DLGAP1: variants seen among roughly 807,000 people sequenced by gnomAD.
DLGAP1 encodes disks large-associated protein 1.
A neutral mutation model predicts 90.8 loss-of-function variants in DLGAP1; 11 were observed. The observed-to-expected ratio is 0.12, with a 90% CI of 0.08 to 0.20. The LOEUF is 0.20. Ranked by LOEUF, DLGAP1 falls within the 10% of genes least tolerant of loss-of-function variation. The pLI, the probability that DLGAP1 is intolerant of heterozygous loss-of-function variation, is 1.00. For missense variants in DLGAP1, 1,050 were observed against 1,333.8 expected, an observed-to-expected ratio of 0.79 and a Z score of 3.31; for synonymous variants, 558 against 540.7, an observed-to-expected ratio of 1.03 and a Z score of -0.44.
intron 5 of DLGAP1, among the ~76,000 whole-genome samples, chr18:3,803,357 C>T (rs1446408216): frequency 6.6e-6 from 1 of 152,190 alleles, no homozygotes; most frequent in Non-Finnish European, 1.5e-5. Flanking sequence ...GTGCTCCCAG[C>T]TTGGCTTTTC....
At chr18:3,756,296 G>A (rs889425640) in intron 5 of DLGAP1, among the ~76,000 whole-genome samples, 10 of 151,990 alleles carry the variant, frequency 6.6e-5, no homozygotes, top group African/African-American at 1.9e-4. Flanking sequence ...TGATCTGCTC[G>A]CCTCGGCCTT....
chr18:4,280,876 T>A (rs1229529399), intron 1 of DLGAP1: 1 of 152,208 alleles, frequency 6.6e-6, no homozygotes, highest in Non-Finnish European at 1.5e-5. Context: ...TCTGAGATAA[T>A]TTTTATGCTG....
Position 3,582,210 on chromosome 18 carries a change from G to A in DLGAP1, c.1630C>T (p.Pro544Ser). 6.2e-7 allele frequency: 1 copy of A among 1,614,158 alleles called. No homozygotes were observed. Among genetic ancestry groups the A allele is most frequent in the Non-Finnish European group, 8.5e-7 (1 of 1,180,028 alleles). ...CITTYKKTPP[P>S]VPPRTTTKPF... ...TTCGTGGTAGTTCTGGGTGGGACTG[G>A]AGGTGGTGTCTTCTTATATGTTGTA... is the stretch of plus-strand genomic sequence containing the variant. Residue 544 changes from proline (P) to serine (S), a missense_variant, in exon 8 of 13, where the codon CCA becomes TCA. Transcript: ENST00000315677.
chr18:4,004,393 T>C (rs992294346), intron 3 of DLGAP1, among the ~76,000 whole-genome samples: 20 of 152,114 alleles, frequency 1.3e-4, no homozygotes, highest in African/African-American at 4.8e-4. Flanking sequence ...TTCCTCCTGC[T>C]CTCCGGGGAG....
At chr18:4,235,152 C>A (rs1197339105) in intron 1 of DLGAP1, among the ~76,000 whole-genome samples, 1 of 152,164 alleles carries the variant, frequency 6.6e-6, no homozygotes, top group African/African-American at 2.4e-5. Flanking sequence ...AGCACATATT[C>A]TTCTGTCCCT....
chr18:3,555,714 G>T (rs923908040), intron 9 of DLGAP1, among the ~76,000 whole-genome samples: 1 of 152,128 alleles, frequency 6.6e-6, no homozygotes, highest in Non-Finnish European at 1.5e-5. Context: ...GGAGGCTGAG[G>T]CAGGAGAATC....
chr18:3,678,740 T>A (rs1169919899), intron 7 of DLGAP1, among the ~76,000 whole-genome samples: 2 of 152,214 alleles, frequency 1.3e-5, no homozygotes, highest in Non-Finnish European at 2.9e-5. Flanking sequence ...CAGAATAGGA[T>A]TTTTCCCTCC....
intron 1 of DLGAP1, among the ~76,000 whole-genome samples, chr18:4,204,510 T>G (rs2077678292): frequency 7.1e-6 from 1 of 141,096 alleles, no homozygotes; most frequent in African/African-American, 2.8e-5. Context: ...CTGTTGTGGT[T>G]TTTTTTTTGT....
At chr18:4,271,664 T>C (rs1224139665) in intron 1 of DLGAP1, among the ~76,000 whole-genome samples, 3 of 152,228 alleles carry the variant, frequency 2.0e-5, no homozygotes, top group African/African-American at 4.8e-5. Context: ...ATATTTCTAC[T>C]CCTCCACTTA....
chr18:4,344,800 C>G (rs1189202168), intron 1 of DLGAP1, among the ~76,000 whole-genome samples: 4 of 152,212 alleles, frequency 2.6e-5, no homozygotes, highest in African/African-American at 9.6e-5. Flanking sequence ...GTGTTATGAC[C>G]CGGGGCATTT....
At chr18:4,215,250 C>T (rs1184077104) in intron 1 of DLGAP1, among the ~76,000 whole-genome samples, 4 of 152,090 alleles carry the variant, frequency 2.6e-5, no homozygotes, top group African/African-American at 9.7e-5. Context: ...TCTAGATATA[C>T]ATCAACTCAG....
chr18:4,322,754 A>T (rs2080722429), intron 1 of DLGAP1, among the ~76,000 whole-genome samples: 1 of 151,992 alleles, frequency 6.6e-6, no homozygotes, highest in Non-Finnish European at 1.5e-5. Flanking sequence ...GAGGTCAGGA[A>T]ATCGAGACCA....
chr18:4,228,556 CATCAT>C (rs1332170233), intron 1 of DLGAP1, among the ~76,000 whole-genome samples: 1 of 151,826 alleles, frequency 6.6e-6, no homozygotes, highest in East Asian at 1.9e-4. Flanking sequence ...TCCATCAACA[CATCAT>C]ATCAACAGAA....
At chr18:4,272,132 T>G (rs2079297566) in intron 1 of DLGAP1, among the ~76,000 whole-genome samples, 1 of 152,232 alleles carries the variant, frequency 6.6e-6, no homozygotes, top group Non-Finnish European at 1.5e-5. Flanking sequence ...AGAGTATGAA[T>G]AGTATTAAAT....
chr18:4,413,909 GA>G (rs1327346374), intron 1 of DLGAP1, among the ~76,000 whole-genome samples: 1 of 152,172 alleles, frequency 6.6e-6, no homozygotes. Context: ...TTTGGAAACT[GA>G]TATTTCACAG....
At position 4,181,942 on chromosome 18, in the gene DLGAP1, T is replaced by G. The variant is rs918395919; in HGVS notation, c.-266-30655A>C. 2.6e-5 allele frequency among the ~76,000 whole-genome samples: 4 copies of G among 152,250 alleles called. No homozygotes were observed. In the East Asian group the frequency reaches 7.7e-4, roughly 29 times the overall value. On this transcript the variant is annotated intron_variant, in intron 1 of 12. Transcript: ENST00000315677. ...ACATATGTATTCCAATCTGTAGCAC[T>G]AAGTGCACTCAATTAAAGAGAAGAT...
intron 2 of DLGAP1, among the ~76,000 whole-genome samples, chr18:4,135,561 T>C (rs147662497): frequency 0.015 from 2,228 of 152,234 alleles, 47 homozygotes; most frequent in African/African-American, 0.046. Flanking sequence ...TTTATCTAAC[T>C]ATATTTTTGC....
At chr18:3,816,781 G>T (rs2067127885) in intron 4 of DLGAP1, among the ~76,000 whole-genome samples, 1 of 152,124 alleles carries the variant, frequency 6.6e-6, no homozygotes. Flanking sequence ...AGTTCCTAGG[G>T]CCATATCTTG....
At chr18:3,979,556 G>C (rs2073679293) in intron 3 of DLGAP1, among the ~76,000 whole-genome samples, 1 of 152,232 alleles carries the variant, frequency 6.6e-6, no homozygotes, top group Non-Finnish European at 1.5e-5. Context: ...GGTGAGGCTA[G>C]AGAGGAGACG....
Sources: allele counts gnomAD v4.1 joint callset (sites outside exome capture counted in the v4.1 genomes callset), GRCh38; gene constraint gnomAD v4.1.1; transcripts MANE v1.5; gene names NCBI Gene and HGNC (gene_info 2026-07-23, HGNC 2026-07-21).